The following WWOX variants were observed in gnomAD, a reference collection of about 807,000 sequenced individuals.
WWOX encodes the protein WW domain-containing oxidoreductase.
In WWOX, 69 loss-of-function variants were observed where a neutral mutation model predicts 46.2. The observed-to-expected ratio is 1.49, with a 90% CI of 1.23 to 1.82. The LOEUF is 1.82. WWOX is among the 40% of genes most tolerant of loss of function. WWOX has a pLI of 0.00. For missense variants in WWOX, 919 were observed against 542.6 expected, an observed-to-expected ratio of 1.69 and a Z score of -6.89; for synonymous variants, 359 against 202.6, an observed-to-expected ratio of 1.77 and a Z score of -6.56.
At chr16:78,428,780 G>A (rs1025431166) in intron 7 of WWOX, among the ~76,000 whole-genome samples, 5 of 152,186 alleles carry the variant, frequency 3.3e-5, no homozygotes, top group African/African-American at 1.2e-4. Flanking sequence ...AGCTGAGGCA[G>A]GAGGATCCCT....
At chr16:78,284,672 C>T (rs765382720) in intron 5 of WWOX, among the ~76,000 whole-genome samples, 4 of 152,184 alleles carry the variant, frequency 2.6e-5, no homozygotes, top group African/African-American at 4.8e-5. Context: ...TAGCCACACA[C>T]ACTCTGCAGG....
chr16:78,648,833 C>T (rs1430538708), intron 8 of WWOX, among the ~76,000 whole-genome samples: 1 of 152,196 alleles, frequency 6.6e-6, no homozygotes, highest in Non-Finnish European at 1.5e-5. Context: ...GCAGGAAGTT[C>T]TGAATAAGTG....
chr16:78,932,312 C>T (rs1047149741), intron 8 of WWOX, among the ~76,000 whole-genome samples: 2 of 152,186 alleles, frequency 1.3e-5, no homozygotes, highest in Non-Finnish European at 2.9e-5. Context: ...ACTGACCAGG[C>T]AGTGACCTAA....
intron 8 of WWOX, among the ~76,000 whole-genome samples, chr16:78,979,250 C>T (rs1385795105): frequency 6.6e-6 from 1 of 152,098 alleles, no homozygotes; most frequent in Non-Finnish European, 1.5e-5. Context: ...TAAAACAAGC[C>T]ATCCCCATTC....
rs529389716 is a variant in WWOX, at chr16:79,188,276, C to T, written c.1057-23332C>T. Reference sequence around the variant, plus strand: ...GCCCTCTGTACCCAAAAGGAAATGTCGGTGGAGGCAGGCGTTCAAGCTGGC... The same window carrying T: ...GCCCTCTGTACCCAAAAGGAAATGTTGGTGGAGGCAGGCGTTCAAGCTGGC... On this transcript the variant is annotated intron_variant, in intron 8 of 8. Coordinates refer to ENST00000566780, the MANE Select transcript of WWOX (RefSeq NM_016373.4). Among the ~76,000 whole-genome samples, 49 of 152,258 alleles carry T rather than the reference C, an allele frequency of 3.2e-4. No individual in the cohort carries two copies. The South Asian group carries it at 3.7e-3, about 12-fold the overall frequency.
intron 5 of WWOX, among the ~76,000 whole-genome samples, chr16:78,354,509 A>C (rs1002065451): frequency 1.7e-4 from 26 of 152,116 alleles, no homozygotes; most frequent in Non-Finnish European, 3.4e-4. Context: ...ATAAACTGGC[A>C]ATTACAACTG....
intron 8 of WWOX, among the ~76,000 whole-genome samples, chr16:78,591,476 G>T (rs549625556): frequency 2.0e-5 from 3 of 152,284 alleles, no homozygotes; most frequent in Admixed American, 1.3e-4. Context: ...TCCCTCTCAT[G>T]TATCTCTATT....
chr16:78,865,428 C>T (rs1165940936), intron 8 of WWOX, among the ~76,000 whole-genome samples: 1 of 152,182 alleles, frequency 6.6e-6, no homozygotes, highest in African/African-American at 2.4e-5. Flanking sequence ...GACTTTGATT[C>T]ACATCATGGC....
chr16:78,370,482 G>A (rs559628142), intron 5 of WWOX, among the ~76,000 whole-genome samples: 11 of 106,694 alleles, frequency 1.0e-4, no homozygotes, highest in Non-Finnish European at 1.9e-4. Context: ...CGTATGCTGG[G>A]GGTATCTACG....
chr16:79,060,087 G>A (rs904926693), intron 8 of WWOX, among the ~76,000 whole-genome samples: 1 of 152,126 alleles, frequency 6.6e-6, no homozygotes, highest in Non-Finnish European at 1.5e-5. Context: ...GTACAAACCA[G>A]GTGTATAGTT....
rs151176378 is a variant in WWOX at position 78,974,639 on chromosome 16, C to G, written c.1057-236969C>G. On this transcript the variant is annotated intron_variant, in intron 8 of 8. Coordinates refer to ENST00000566780, the MANE Select transcript of WWOX (RefSeq NM_016373.4). ...TAAATATTACACGTAGCAAATGTCA[C>G]CCGATGCAACTGTCTGTCCTGAAGA... Among the ~76,000 whole-genome samples the G allele has an allele frequency of 3.3e-3, 498 of 152,272 alleles. 3 individuals are homozygous for G. The highest frequency in any genetic ancestry group is 9.5e-3 in the African/African-American group (395 of 41,534).
chr16:78,348,301 A>G (rs1055204935), intron 5 of WWOX, among the ~76,000 whole-genome samples: 1 of 121,242 alleles, frequency 8.2e-6, no homozygotes, highest in East Asian at 1.9e-4. Flanking sequence ...GTACAAGTCA[A>G]GCTGCCTCTG....
chr16:79,156,424 G>T (rs143197482), intron 8 of WWOX, among the ~76,000 whole-genome samples: 18 of 152,220 alleles, frequency 1.2e-4, no homozygotes, highest in Admixed American at 2.0e-4. Flanking sequence ...GCCTCCCAAA[G>T]TGCTGGGATA....
chr16:79,038,725 T>A (rs890880707), intron 8 of WWOX, among the ~76,000 whole-genome samples: 7 of 152,098 alleles, frequency 4.6e-5, no homozygotes, highest in Non-Finnish European at 1.0e-4. Flanking sequence ...AATTTTTGTG[T>A]TTTTAGTAGA....
At chr16:78,938,773 GC>G (rs1220887193) in intron 8 of WWOX, among the ~76,000 whole-genome samples, 1 of 152,080 alleles carries the variant, frequency 6.6e-6, no homozygotes, top group East Asian at 1.9e-4. Context: ...GTGAGGTATG[GC>G]CCATTATACC....
chr16:78,542,018 CAAAAAAAAAAA>C (rs548366256), intron 8 of WWOX, among the ~76,000 whole-genome samples: 54 of 40,640 alleles, frequency 1.3e-3, no homozygotes, highest in South Asian at 7.4e-3. Context: ...CAGAGTATAC[CAAAAAAAAAAA>C]AAAAAAAAAA....
intron 8 of WWOX, among the ~76,000 whole-genome samples, chr16:78,903,935 C>T (rs2044892806): frequency 6.6e-6 from 1 of 152,150 alleles, no homozygotes; most frequent in African/African-American, 2.4e-5. Context: ...AAGTCATTTT[C>T]TCCGGGCCAG....
chr16:78,504,243 G>C (rs1056831187), intron 8 of WWOX, among the ~76,000 whole-genome samples: 3 of 152,200 alleles, frequency 2.0e-5, no homozygotes, highest in African/African-American at 7.2e-5. Flanking sequence ...ATTAGGAAAT[G>C]GCTCTTTGGC....
chr16:79,212,276 C>A lies in WWOX; in HGVS notation c.*480C>A. 3.4e-6 allele frequency: 4 copies of A among 1,193,116 alleles called. No individual in the cohort carries two copies. The highest frequency in any genetic ancestry group is 4.5e-6 in the Non-Finnish European group (4 of 881,818). 73.9% of individuals were successfully genotyped at this position (1,193,116 alleles called of 1,614,324 possible). ...AGATAATTGTTTCATTCATCCTGACCAAGACTGAGCCAGCTTAGCAACTGC... is the reference window on the plus strand; with the variant it reads ...AGATAATTGTTTCATTCATCCTGACAAAGACTGAGCCAGCTTAGCAACTGC... On this transcript the variant is annotated 3_prime_UTR_variant, in exon 9 of 9. Coordinates refer to ENST00000566780, the MANE Select transcript of WWOX (RefSeq NM_016373.4).
Sources: gnomAD v4.1 joint callset for allele counts (sites outside exome capture counted in the v4.1 genomes callset) on GRCh38, gnomAD v4.1.1 for gene constraint, MANE v1.5 for transcripts, NCBI Gene and HGNC (gene_info 2026-07-23, HGNC 2026-07-21) for gene names.